Variants in GRID2 observed in about 807,000 individuals in gnomAD.
GRID2 encodes glutamate receptor ionotropic, delta-2.
Under a neutral mutation model 114.8 loss-of-function variants are expected in GRID2, and 33 were observed. The observed-to-expected ratio is 0.29, with a 90% CI of 0.22 to 0.38. The LOEUF (loss-of-function observed/expected upper bound fraction) is 0.38. GRID2 is among the 10% of genes least tolerant of loss of function. The probability of loss-of-function intolerance (pLI) is 1.00; values close to 1 mark genes in which losing one functional copy is unlikely to be tolerated. For missense variants in GRID2, 1,184 were observed against 1,257.7 expected (o/e 0.94, Z 0.89); for synonymous variants, 505 against 449.9 (o/e 1.12, Z -1.55).
intron 2 of GRID2, among the ~76,000 whole-genome samples, chr4:92,743,481 C>T (rs998123942): frequency 6.6e-6 from 1 of 152,084 alleles, no homozygotes; most frequent in Non-Finnish European, 1.5e-5. Context: ...AGTTGACAGC[C>T]AATGCTATGT....
At chr4:92,797,179 A>T (rs1739920880) in intron 2 of GRID2, among the ~76,000 whole-genome samples, 1 of 151,978 alleles carries the variant, frequency 6.6e-6, no homozygotes, top group Admixed American at 6.6e-5. Flanking sequence ...GTGGCACTTC[A>T]TATGGGTCCC....
At chr4:93,019,134 A>G (rs1321063503) in intron 2 of GRID2, among the ~76,000 whole-genome samples, 1 of 152,072 alleles carries the variant, frequency 6.6e-6, no homozygotes, top group South Asian at 2.1e-4. Context: ...CTGAGTTCCA[A>G]TATATATTCT....
chr4:92,681,734 C>A, intron 2 of GRID2, among the ~76,000 whole-genome samples: 1 of 151,796 alleles, frequency 6.6e-6, no homozygotes, highest in African/African-American at 2.4e-5. Context: ...AGTGATTTTA[C>A]CAATTGTAAA....
At chr4:92,488,061 A>T (rs1722978588) in intron 1 of GRID2, among the ~76,000 whole-genome samples, 1 of 152,040 alleles carries the variant, frequency 6.6e-6, no homozygotes, top group Admixed American at 6.6e-5. Flanking sequence ...GATTCTGTTG[A>T]TGAATTCACT....
At chr4:92,412,125 G>T (rs1031462043) in intron 1 of GRID2, among the ~76,000 whole-genome samples, 1 of 151,858 alleles carries the variant, frequency 6.6e-6, no homozygotes, top group Non-Finnish European at 1.5e-5. Context: ...GCCTGTGTGT[G>T]TGTGTGTGTG....
At chr4:93,716,231 T>A (rs1251718794) in intron 14 of GRID2, among the ~76,000 whole-genome samples, 1 of 152,144 alleles carries the variant, frequency 6.6e-6, no homozygotes, top group Non-Finnish European at 1.5e-5. Context: ...CATATGCACA[T>A]ACACACATGA....
At chr4:93,473,748 G>A (rs1289438185) in intron 11 of GRID2, among the ~76,000 whole-genome samples, 1 of 152,078 alleles carries the variant, frequency 6.6e-6, no homozygotes, top group Non-Finnish European at 1.5e-5. Flanking sequence ...TGCTTCCTCA[G>A]TTAATGTCTT....
chr4:93,366,889 CCTGTA>C lies in GRID2; in HGVS notation c.1246-28715_1246-28711del, dbSNP rs1196552642. Among the ~76,000 whole-genome samples, 10 of 151,838 alleles carry C rather than the reference CCTGTA, an allele frequency of 6.6e-5. No homozygotes were observed. The East Asian group carries it at 1.9e-3, about 29-fold the overall frequency. On this transcript the variant is annotated intron_variant, in intron 8 of 15. Transcript: ENST00000282020. ...AGACTCAAAGCATATTTCTACCTTC[CCTGTA>C]CTAATTTGAAAAAGAATATATATGG...
chr4:93,667,468 T>G (rs770110260), intron 14 of GRID2, among the ~76,000 whole-genome samples: 4 of 151,888 alleles, frequency 2.6e-5, no homozygotes, highest in Non-Finnish European at 5.9e-5. Flanking sequence ...AAGACTTATC[T>G]TTACTGCCTT....
intron 8 of GRID2, among the ~76,000 whole-genome samples, chr4:93,254,176 TACTG>T (rs1749307946): frequency 6.6e-6 from 1 of 152,076 alleles, no homozygotes; most frequent in Non-Finnish European, 1.5e-5. Context: ...GGCTTTTACT[TACTG>T]GTAGTGAATT....
intron 2 of GRID2, among the ~76,000 whole-genome samples, chr4:92,620,393 A>G (rs1432368931): frequency 3.3e-5 from 5 of 151,764 alleles, no homozygotes; most frequent in South Asian, 2.1e-4. Flanking sequence ...TCAGAAGGGA[A>G]AAAAGTAAGC....
At chr4:93,293,713 GT>G in intron 8 of GRID2, among the ~76,000 whole-genome samples, 1 of 152,210 alleles carries the variant, frequency 6.6e-6, no homozygotes, top group Non-Finnish European at 1.5e-5. Context: ...CTCTCAAGGT[GT>G]TTTTGGCTGT....
chr4:93,003,551 T>A (rs1397149727), intron 2 of GRID2, among the ~76,000 whole-genome samples: 2 of 152,116 alleles, frequency 1.3e-5, no homozygotes, highest in Middle Eastern at 3.4e-3. Context: ...ATTTGTGATA[T>A]TACTTTTCTT....
intron 2 of GRID2, among the ~76,000 whole-genome samples, chr4:92,720,345 G>A (rs1383858171): frequency 6.6e-6 from 1 of 151,958 alleles, no homozygotes; most frequent in African/African-American, 2.4e-5. Flanking sequence ...TTTAAAATAT[G>A]TGATTGTTAC....
At chr4:92,639,470 A>G (rs182548942) in intron 2 of GRID2, among the ~76,000 whole-genome samples, 36 of 151,944 alleles carry the variant, frequency 2.4e-4, no homozygotes, top group African/African-American at 6.3e-4. Context: ...AAAAAATGCT[A>G]TAAACGTTAG....
intron 1 of GRID2, among the ~76,000 whole-genome samples, chr4:92,483,529 C>T (rs1008362263): frequency 5.9e-5 from 9 of 151,994 alleles, no homozygotes; most frequent in Admixed American, 5.9e-4. Context: ...ATAAAGCTCT[C>T]GTTACTGAAT....
chr4:92,992,584 A>G (rs1390115299), intron 2 of GRID2, among the ~76,000 whole-genome samples: 1 of 152,188 alleles, frequency 6.6e-6, no homozygotes, highest in Non-Finnish European at 1.5e-5. Context: ...TCTATATAAT[A>G]AGGAATAATT....
intron 2 of GRID2, among the ~76,000 whole-genome samples, chr4:92,764,589 G>A (rs553368039): frequency 1.1e-4 from 17 of 152,120 alleles, no homozygotes; most frequent in South Asian, 4.2e-4. Context: ...ATCCCACTCC[G>A]TATTACCCTG....
chr4:93,685,424 C>A (rs1290197980), intron 14 of GRID2, among the ~76,000 whole-genome samples: 1 of 152,046 alleles, frequency 6.6e-6, no homozygotes, highest in Non-Finnish European at 1.5e-5. Context: ...AGGTTCATTG[C>A]CAACTCTTTG....
Sources: gnomAD v4.1 joint callset for allele counts (sites outside exome capture counted in the v4.1 genomes callset) on GRCh38, gnomAD v4.1.1 for gene constraint, MANE v1.5 for transcripts, NCBI Gene and HGNC (gene_info 2026-07-23, HGNC 2026-07-21) for gene names.